PGAP2: variants seen among roughly 807,000 people sequenced by gnomAD.
The protein encoded by PGAP2 is acyltransferase PGAP2.
A neutral mutation model predicts 33.2 loss-of-function variants in PGAP2; 21 were observed. That is an observed-to-expected ratio of 0.63 (90% CI 0.45 to 0.91). PGAP2 has a LOEUF of 0.91. Ranked by LOEUF, PGAP2 falls within the 40% of genes least tolerant of loss-of-function variation. The pLI is 0.00. For synonymous variants in PGAP2, 161 were observed against 172.9 expected, an observed-to-expected ratio of 0.93 and a Z score of 0.54; for missense variants, 345 against 424.0, an observed-to-expected ratio of 0.81 and a Z score of 1.64.
upstream of PGAP2, chr11:3,808,206 G>A: frequency 1.3e-6 from 2 of 1,507,456 alleles, no homozygotes; most frequent in Non-Finnish European, 1.8e-6. Flanking sequence ...TGGATAGTTC[G>A]GTTAGAATGG....
At chr11:3,807,029 AAGAG>A (rs575983765), upstream of PGAP2, among the ~76,000 whole-genome samples, 294 of 149,208 alleles carry the variant, frequency 2.0e-3, no homozygotes, top group African/African-American at 6.5e-3. Context: ...TCCAAAAAAA[AAGAG>A]AGAAAGAAAG....
At chr11:3,823,214 T>A (rs1332238984) in intron 3 of PGAP2, among the ~76,000 whole-genome samples, 5 of 151,754 alleles carry the variant, frequency 3.3e-5, no homozygotes, top group Non-Finnish European at 5.9e-5. Context: ...TTTTTTTTTT[T>A]AAGTAGGGAC....
At chr11:3,798,589 C>G (rs934801907) in intron 1 of PGAP2, among the ~76,000 whole-genome samples, 1 of 151,596 alleles carries the variant, frequency 6.6e-6, no homozygotes, top group Non-Finnish European at 1.5e-5. Flanking sequence ...CCTCGGCCTC[C>G]CAAAGTGCTG....
At chr11:3,808,125 G>A, upstream of PGAP2, 1 of 1,463,108 alleles carries the variant, frequency 6.8e-7, no homozygotes, top group South Asian at 1.4e-5. Context: ...CAACCGCCCT[G>A]ACGAGCAAAG....
rs372650152 is a variant in PGAP2 at position 3,822,182 on chromosome 11, G to A, written c.349-1701G>A. Among the ~76,000 whole-genome samples, 120 of 151,948 alleles carry A rather than the reference G, an allele frequency of 7.9e-4. 1 individual carries two copies. Among genetic ancestry groups the A allele is most frequent in the African/African-American group, 2.8e-3 (118 of 41,414 alleles). On this transcript the variant is annotated intron_variant, in intron 3 of 6. Transcript: ENST00000278243. ...GATTGAGACCATCCTGGCTAACACG[G>A]TGAAACCCCGTCTCTACTAAAAATA... is the stretch of plus-strand genomic sequence containing the variant.
At chr11:3,812,897 C>T (rs1232199141) in intron 2 of PGAP2, among the ~76,000 whole-genome samples, 1 of 152,170 alleles carries the variant, frequency 6.6e-6, no homozygotes, top group Non-Finnish European at 1.5e-5. Flanking sequence ...TTAGAAAGAA[C>T]TGGACGAAAA....
intron 1 of PGAP2, among the ~76,000 whole-genome samples, chr11:3,802,972 G>A (rs1411946682): frequency 5.0e-5 from 7 of 141,030 alleles, no homozygotes; most frequent in South Asian, 2.3e-4. Context: ...GACTACAGGC[G>A]CCTGCCACCA....
At chr11:3,807,836 G>A (rs1430631796), upstream of PGAP2, among the ~76,000 whole-genome samples, 1 of 152,324 alleles carries the variant, frequency 6.6e-6, no homozygotes, top group East Asian at 1.9e-4. Flanking sequence ...GTTGGGCTGG[G>A]ATGGTCTTTG....
rs868310370 is a variant in PGAP2 at position 3,822,181 on chromosome 11, G to A, written c.349-1702G>A. 4.0e-4 allele frequency among the ~76,000 whole-genome samples: 60 copies of A among 151,818 alleles called. 2 individuals carry two copies. The highest frequency in any genetic ancestry group is 1.2e-3 in the African/African-American group (50 of 41,352). On this transcript the variant is annotated intron_variant, in intron 3 of 6. Coordinates refer to ENST00000278243, the MANE Select transcript of PGAP2 (RefSeq NM_014489.4). ...AGATTGAGACCATCCTGGCTAACACGGTGAAACCCCGTCTCTACTAAAAAT... is the reference window on the plus strand; with the variant it reads ...AGATTGAGACCATCCTGGCTAACACAGTGAAACCCCGTCTCTACTAAAAAT...
chr11:3,800,876 T>TA (rs1034138378), intron 1 of PGAP2, among the ~76,000 whole-genome samples: 1 of 151,084 alleles, frequency 6.6e-6, no homozygotes, highest in African/African-American at 2.4e-5. Context: ...CTCACGCCTA[T>TA]AATCCCAGCA....
chr11:3,818,797 C>G (rs1302439205), intron 3 of PGAP2, among the ~76,000 whole-genome samples: 1 of 152,200 alleles, frequency 6.6e-6, no homozygotes, highest in Non-Finnish European at 1.5e-5. Context: ...ACTGTCACAA[C>G]ACAGTGGTCT....
At chr11:3,819,594 G>C (rs1246794310) in intron 3 of PGAP2, among the ~76,000 whole-genome samples, 1 of 152,030 alleles carries the variant, frequency 6.6e-6, no homozygotes, top group African/African-American at 2.4e-5. Flanking sequence ...CCGTGCAAGG[G>C]GATTTTGGGG....
At chr11:3,801,641 CAAAA>C (rs772606488) in intron 1 of PGAP2, among the ~76,000 whole-genome samples, 3 of 76,772 alleles carry the variant, frequency 3.9e-5, no homozygotes, top group South Asian at 1.2e-3. Flanking sequence ...GACTCCATCT[CAAAA>C]AAAAAAAAAA....
chr11:3,802,033 G>A (rs890361304), intron 1 of PGAP2, among the ~76,000 whole-genome samples: 1 of 151,150 alleles, frequency 6.6e-6, no homozygotes, highest in African/African-American at 2.4e-5. Context: ...CACTGAAAGA[G>A]GACTCAGAAA....
Position 3,824,853 on chromosome 11 carries a change from G to A in PGAP2, c.709-167G>A, listed in dbSNP as rs939195041. 69 of 1,447,376 alleles carry A rather than the reference G, an allele frequency of 4.8e-5. No homozygotes were observed. The African/African-American group carries it at 7.4e-4, about 16-fold the overall frequency. 89.7% of individuals were successfully genotyped at this position (1,447,376 alleles called of 1,614,324 possible). On this transcript the variant is annotated intron_variant, in intron 5 of 6. Coordinates refer to ENST00000278243, the MANE Select transcript of PGAP2 (RefSeq NM_014489.4). ...CCATCACTCCCCCAGAGGCAGGGAC[G>A]TGAACACATAGTCGTCATTCTTGCT...
intron 1 of PGAP2, chr11:3,798,238 T>G: frequency 1.1e-6 from 1 of 906,654 alleles, no homozygotes; most frequent in East Asian, 3.5e-5. Flanking sequence ...GCATTAGAGA[T>G]GCCCTAAGGG....
chr11:3,797,732 G>A (rs769586052), upstream of PGAP2: 41 of 1,273,562 alleles, frequency 3.2e-5, no homozygotes, highest in Non-Finnish European at 4.3e-5. Context: ...AAGGAGTTCG[G>A]GGAGGCACAG....
exon 1 of PGAP2, chr11:3,797,838 TTG>T (rs1390063104): frequency 6.5e-7 from 1 of 1,550,174 alleles, no homozygotes; most frequent in Admixed American, 2.0e-5. Flanking sequence ...CGAAGTGGGC[TTG>T]TGAATGGCTA....
chr11:3,803,702 A>G (rs72844313), upstream of PGAP2, among the ~76,000 whole-genome samples: 36,612 of 152,118 alleles, frequency 0.24, 5,286 homozygotes, highest in East Asian at 0.32. Flanking sequence ...TGTTGGGATT[A>G]TGGGCCTGAG....
Sources: gnomAD v4.1 joint callset for allele counts (sites outside exome capture counted in the v4.1 genomes callset) on GRCh38, gnomAD v4.1.1 for gene constraint, MANE v1.5 for transcripts, NCBI Gene and HGNC (gene_info 2026-07-23, HGNC 2026-07-21) for gene names.